KIF6: variants seen among roughly 807,000 people sequenced by gnomAD.
KIF6 encodes kinesin-like protein KIF6.
A neutral mutation model predicts 112.7 loss-of-function variants in KIF6; 106 were observed. The observed-to-expected ratio is 0.94, with a 90% CI of 0.80 to 1.11. The LOEUF (loss-of-function observed/expected upper bound fraction) is 1.11, where lower values mean the gene tolerates loss of function less well. Ranked by LOEUF, KIF6 falls within the 50% of genes least tolerant of loss-of-function variation. KIF6 has a pLI of 0.00. For synonymous variants in KIF6, 339 were observed against 339.9 expected, an observed-to-expected ratio of 1.00 and a Z score of 0.03; for missense variants, 929 against 964.0, an observed-to-expected ratio of 0.96 and a Z score of 0.48.
intron 6 of KIF6, among the ~76,000 whole-genome samples, chr6:39,596,596 T>C (rs1489752299): frequency 1.3e-5 from 2 of 152,182 alleles, no homozygotes; most frequent in Non-Finnish European, 2.9e-5. Flanking sequence ...ATGCTTAATG[T>C]TAATCTCATG....
At chr6:39,357,544 G>A (rs1764806674) in intron 18 of KIF6, among the ~76,000 whole-genome samples, 170 bp from the exon 19 acceptor site, 1 of 151,608 alleles carries the variant, frequency 6.6e-6, no homozygotes, top group Non-Finnish European at 1.5e-5. Flanking sequence ...TGCCTTCTGG[G>A]TTCAAGCAAT....
Position 39,562,409 on chromosome 6 carries a change from T to C in KIF6, c.1181+15647A>G, listed in dbSNP as rs184185895. Among the ~76,000 whole-genome samples the C allele has an allele frequency of 2.5e-3, 378 of 152,326 alleles. 4 individuals are homozygous for C. The highest frequency in any genetic ancestry group is 8.4e-3 in the African/African-American group (349 of 41,578). On this transcript the variant is annotated intron_variant, in intron 10 of 22. Coordinates refer to ENST00000287152, the MANE Select transcript of KIF6 (RefSeq NM_145027.6). ...GATATCCCAGAAAATATCATTTCTA[T>C]AAGACATACCCAGAATGAGGGAACA... is the stretch of plus-strand genomic sequence containing the variant.
rs1053613785 is a variant in KIF6 at position 39,586,359 on chromosome 6, T to C, written c.892A>G (p.Arg298Gly). ...AGGACACTGGTCATCATGGAGTTTC[T>C]ATAAGGAATGTGCGAACGGTGCTTT... is the stretch of plus-strand genomic sequence containing the variant. The part of the protein sequence containing the change: ...SEKHRSHIPY[R>G]NSMMTSVLRD... Residue 298 changes from arginine to glycine, a missense_variant, in exon 8 of 23, where the codon AGA becomes GGA. Coordinates refer to ENST00000287152, the MANE Select transcript of KIF6 (RefSeq NM_145027.6). The C allele has an allele frequency of 1.9e-6, 3 of 1,614,048 alleles. No individual in the cohort carries two copies. Among genetic ancestry groups the C allele is most frequent in the Non-Finnish European group, 2.5e-6 (3 of 1,179,988 alleles).
At chr6:39,618,406 C>T (rs368838070) in intron 5 of KIF6, among the ~76,000 whole-genome samples, 51 of 152,262 alleles carry the variant, frequency 3.3e-4, no homozygotes, top group African/African-American at 1.2e-3. Flanking sequence ...CTATTGGCCA[C>T]GGGGACCCCA....
intron 13 of KIF6, among the ~76,000 whole-genome samples, chr6:39,536,384 T>A (rs2150554590): frequency 6.6e-6 from 1 of 151,966 alleles, no homozygotes; most frequent in African/African-American, 2.4e-5. Flanking sequence ...AAAGGGGATA[T>A]CACCACTGAT....
At chr6:39,360,089 T>C (rs561094822) in intron 18 of KIF6, among the ~76,000 whole-genome samples, 1 of 152,304 alleles carries the variant, frequency 6.6e-6, no homozygotes, top group South Asian at 2.1e-4. Flanking sequence ...AAACAATAAA[T>C]GTCAGTAGGA....
At chr6:39,432,631 T>C (rs893146037) in intron 13 of KIF6, among the ~76,000 whole-genome samples, 3 of 152,150 alleles carry the variant, frequency 2.0e-5, no homozygotes, top group Non-Finnish European at 4.4e-5. Context: ...TTGCACACTC[T>C]AGAATTGGGT....
At chr6:39,449,967 C>T (rs888465970) in intron 13 of KIF6, among the ~76,000 whole-genome samples, 2 of 152,242 alleles carry the variant, frequency 1.3e-5, no homozygotes, top group African/African-American at 4.8e-5. Context: ...CACTATTCTG[C>T]TGTCTCTTTC....
chr6:39,384,173 T>C (rs1185795024), intron 16 of KIF6, among the ~76,000 whole-genome samples: 1 of 152,202 alleles, frequency 6.6e-6, no homozygotes, highest in Non-Finnish European at 1.5e-5. Context: ...CTTCCTACGT[T>C]GCTATTCCTA....
At chr6:39,394,573 GC>G (rs1295062050) in intron 15 of KIF6, among the ~76,000 whole-genome samples, 1 of 152,220 alleles carries the variant, frequency 6.6e-6, no homozygotes, top group Non-Finnish European at 1.5e-5. Flanking sequence ...TGGCTTGGGG[GC>G]CAGGGGTGGG....
chr6:39,552,683 C>A (rs1779453825), intron 10 of KIF6, among the ~76,000 whole-genome samples: 1 of 151,950 alleles, frequency 6.6e-6, no homozygotes, highest in South Asian at 2.1e-4. Context: ...AAGATGCAAA[C>A]AACATAGTTA....
At chr6:39,603,781 T>C (rs185119862) in intron 6 of KIF6, among the ~76,000 whole-genome samples, 129 of 152,268 alleles carry the variant, frequency 8.5e-4, no homozygotes, top group African/African-American at 2.8e-3. Flanking sequence ...CAGCCTTCAA[T>C]GATTCAAATA....
At chr6:39,460,536 T>TAAAAAAAAAAAAAAAAAAAAAAG in intron 13 of KIF6, among the ~76,000 whole-genome samples, 1 of 57,080 alleles carries the variant, frequency 1.8e-5, no homozygotes, top group Non-Finnish European at 3.2e-5. Flanking sequence ...AAAAAAAAAG[T>TAAAAAAAAAAAAAAAAAAAAAAG]AAAAAAAAAA....
intron 5 of KIF6, among the ~76,000 whole-genome samples, chr6:39,622,169 A>G (rs541049698): frequency 3.5e-4 from 51 of 147,664 alleles, no homozygotes; most frequent in African/African-American, 1.2e-3. Flanking sequence ...ATCCAGCTCA[A>G]AAAAAAAAAA....
chr6:39,523,058 T>C (rs1582042860), intron 13 of KIF6, among the ~76,000 whole-genome samples: 1 of 152,204 alleles, frequency 6.6e-6, no homozygotes, highest in Non-Finnish European at 1.5e-5. Flanking sequence ...ATTCTTAACA[T>C]ATGCATAATT....
chr6:39,701,525 C>T lies in KIF6; in HGVS notation c.251+13167G>A, dbSNP rs541461565. Among the ~76,000 whole-genome samples the T allele has an allele frequency of 2.0e-5, 3 of 152,384 alleles. No individual in the cohort carries two copies. The South Asian group carries it at 6.2e-4, about 32-fold the overall frequency. Reference sequence around the variant, plus strand: ...TGTGCTGCTGCTCCACAGATCTCCCCTGTTCAGGTTTATGCTTTGTTGTCT... The same window carrying T: ...TGTGCTGCTGCTCCACAGATCTCCCTTGTTCAGGTTTATGCTTTGTTGTCT... On this transcript the variant is annotated intron_variant, in intron 3 of 22. Coordinates refer to ENST00000287152, the MANE Select transcript of KIF6 (RefSeq NM_145027.6).
Position 39,332,644 on chromosome 6 carries a change from G to A in KIF6, c.*3888C>T, listed in dbSNP as rs571162334. On this transcript the variant is annotated 3_prime_UTR_variant, in exon 23 of 23. Coordinates refer to ENST00000287152, the MANE Select transcript of KIF6 (RefSeq NM_145027.6). ...TCTTCCCAACACAGTGTTATCTCAG[G>A]AAATTATTCCACCTGCTTCCTCCTG... The A allele has an allele frequency of 7.2e-5, 11 of 152,318 alleles. No individual in the cohort carries two copies. Among genetic ancestry groups the A allele is most frequent in the Non-Finnish European group, 1.5e-4 (10 of 68,036 alleles). The allele number at this position is 152,318 out of a possible 1,614,324, so 9.4% of individuals were successfully genotyped here.
intron 13 of KIF6, among the ~76,000 whole-genome samples, chr6:39,477,988 A>G (rs1774535842): frequency 6.6e-6 from 1 of 152,222 alleles, no homozygotes; most frequent in Non-Finnish European, 1.5e-5. Context: ...ATTAACATAT[A>G]TCTATCACCA....
At chr6:39,427,520 T>A (rs1770857735) in intron 14 of KIF6, among the ~76,000 whole-genome samples, 1 of 152,186 alleles carries the variant, frequency 6.6e-6, no homozygotes, top group South Asian at 2.1e-4. Flanking sequence ...CTGGGTTACA[T>A]CCCCTATACC....
Sources: allele counts gnomAD v4.1 joint callset (sites outside exome capture counted in the v4.1 genomes callset), GRCh38; gene constraint gnomAD v4.1.1; transcripts MANE v1.5; gene names NCBI Gene and HGNC (gene_info 2026-07-23, HGNC 2026-07-21).